Variants in MUC5B observed in about 807,000 individuals in gnomAD.
MUC5B encodes mucin-5B.
A neutral mutation model predicts 376.9 loss-of-function variants in MUC5B; 116 were observed. The ratio of observed to expected loss-of-function variants is 0.31; its 90% CI spans 0.26 to 0.36. The LOEUF is 0.36. MUC5B is among the 10% of genes least tolerant of loss of function. The pLI, the probability that MUC5B is intolerant of heterozygous loss-of-function variation, is 1.00. For missense variants in MUC5B, 7,165 were observed against 7,769.9 expected (o/e 0.92, Z 2.93); for synonymous variants, 3,517 against 3,390.9 (o/e 1.04, Z -1.29).
chr11:1,252,901 C>T lies in MUC5B; in HGVS notation c.15138C>T (p.Asn5046=), dbSNP rs754101374. ...TGCTGGACCCAAAGCCTGTGGCCAA[C>T]GTCACCTGCGTGAACAAGCACCTGC... ...VVLLDPKPVA[N]VTCVNKHLPI... is the part of the protein sequence containing the mutation. Residue 5046 remains asparagine, a synonymous_variant, in exon 33 of 49, where the codon AAC becomes AAT. Coordinates refer to ENST00000529681, the MANE Select transcript of MUC5B (RefSeq NM_002458.3). 8 of 1,612,532 alleles carry T rather than the reference C, an allele frequency of 5.0e-6. No individual in the cohort carries two copies. The highest frequency in any genetic ancestry group is 1.7e-5 in the Admixed American group (1 of 59,994).
rs199636000 is a variant in MUC5B at position 1,254,262 on chromosome 11, G to A, written c.15388G>A (p.Ala5130Thr). The A allele has an allele frequency of 1.1e-3, 1,829 of 1,612,098 alleles. 9 individuals carry two copies. The highest frequency in any genetic ancestry group is 1.4e-3 in the Non-Finnish European group (1,615 of 1,179,852). ...YCTASATAAA[A>T]RCPRALSIHY... The stretch of plus-strand genomic sequence containing the variant: ...CACGGCCTCTGCCACTGCCGCTGCC[G>A]CCCGCTGCCCCCGCGCCCTCAGCAT... The change falls in exon 34 of 49, where the codon GCC (alanine) becomes ACC (threonine). Residue 5130 changes from alanine to threonine, a missense_variant. This residue lies in a region of MUC5B where 842 missense variants were observed against 1,016.9 expected (regional missense o/e 0.83). Transcript: ENST00000529681.
At position 1,246,132 on chromosome 11, in the gene MUC5B, C is replaced by T. The variant is rs755504825; in HGVS notation, c.9252C>T (p.Thr3084=). 14 of 1,613,022 alleles carry T rather than the reference C, an allele frequency of 8.7e-6. No individual in the cohort carries two copies. The East Asian group carries it at 2.5e-4, about 28-fold the overall frequency. Residue 3084 remains threonine (T), a synonymous_variant, in exon 31 of 49, where the codon ACC becomes ACT. Transcript: ENST00000529681. ...LGTTGTLPEQ[T]TTPMATMSTI... is the part of the protein sequence containing the mutation. Reference sequence around the variant, plus strand: ...CCACCGGGACCCTCCCAGAACAGACCACCACACCCATGGCCACCATGTCCA... The same window carrying T: ...CCACCGGGACCCTCCCAGAACAGACTACCACACCCATGGCCACCATGTCCA...
intron 37 of MUC5B, 43 bp from the exon 38 acceptor site, chr11:1,256,113 C>T (rs781083218): frequency 5.6e-6 from 4 of 711,898 alleles, no homozygotes; most frequent in South Asian, 3.0e-5. Context: ...GCCCTGGGCC[C>T]CCCCAACCCC....
Position 1,258,490 on chromosome 11 carries a change from G to C in MUC5B, c.16593+123G>C. 5.0e-6 allele frequency: 6 copies of C among 1,193,198 alleles called. No individual in the cohort carries two copies. The highest frequency in any genetic ancestry group is 7.0e-6 in the Non-Finnish European group (6 of 853,294). 73.9% of individuals were successfully genotyped at this position (1,193,198 alleles called of 1,614,324 possible). A position where few individuals can be genotyped will look rare whatever the true frequency, so the allele number is the denominator to read the frequency against. On this transcript the variant is annotated intron_variant, in intron 43 of 48. Transcript: ENST00000529681. This position sits in a 1 kb window ranked among gnomAD's most constrained non-coding sequence, Gnocchi z 5.5. ...CTGCCCTGAGGGCCGATCCGCACAG[G>C]GGCCCTGGACACGTCAGAGCTGGGA...
chr11:1,257,653 T>C lies in MUC5B; in HGVS notation c.16393T>C (p.Phe5465Leu), dbSNP rs1564953420. The C allele has an allele frequency of 1.3e-6, 2 of 1,591,722 alleles. No homozygotes were observed. The highest frequency in any genetic ancestry group is 1.7e-5 in the Admixed American group (1 of 58,480). The stretch of plus-strand genomic sequence containing the variant: ...GCCCCCGCCGTGCAACCGTCCCGGC[T>C]TCGTAACCGTGACCAGGCCCCGGGC... Reference protein sequence around the residue: ...GQPPPCNRPGFVTVTRPRAEN... With the variant: ...GQPPPCNRPGLVTVTRPRAEN... The change falls in exon 41 of 49, where the codon TTC becomes CTC. Residue 5465 changes from phenylalanine to leucine, a missense_variant. By Grantham distance (22) the Phe-to-Leu change is conservative. Coordinates refer to ENST00000529681, the MANE Select transcript of MUC5B (RefSeq NM_002458.3). This position sits in a 1 kb window ranked among gnomAD's most constrained non-coding sequence, Gnocchi z 8.9.
At chr11:1,223,886 A>T (rs1039970793) in intron 1 of MUC5B, among the ~76,000 whole-genome samples, 1 of 152,190 alleles carries the variant, frequency 6.6e-6, no homozygotes, top group African/African-American at 2.4e-5. Flanking sequence ...CGGGCTGGCC[A>T]TGAGGCTGCT....
intron 9 of MUC5B, 80 bp from the exon 10 acceptor site, chr11:1,229,610 G>A: frequency 7.9e-7 from 1 of 1,265,160 alleles, no homozygotes; most frequent in Non-Finnish European, 1.1e-6. Flanking sequence ...AAGGGAGGCA[G>A]CTTGTCCCCA....
At chr11:1,256,596 C>A (rs1862843339) in intron 38 of MUC5B, 75 bp from the exon 39 acceptor site, 1 of 1,107,318 alleles carries the variant, frequency 9.0e-7, no homozygotes, top group South Asian at 1.5e-5. Flanking sequence ...CACTGCCCAT[C>A]CTGGGGACTC....
At position 1,242,645 on chromosome 11, in the gene MUC5B, C is replaced by T. The variant is rs2133825637; in HGVS notation, c.5765C>T (p.Ser1922Phe). 1 of 1,613,742 alleles carries T rather than the reference C, an allele frequency of 6.2e-7. No individual in the cohort carries two copies. Among genetic ancestry groups the T allele is most frequent in the East Asian group, 2.2e-5 (1 of 44,876 alleles). The change falls in exon 31 of 49, where the codon TCC becomes TTC. Residue 1922 changes from serine (S) to phenylalanine (F), a missense_variant. Ser to Phe is a radical substitution (Grantham distance 155). Transcript: ENST00000529681. Reference protein sequence around the residue: ...TTATTTASTGSTATPTSTLRT... With the variant: ...TTATTTASTGFTATPTSTLRT... ...GCCACTACGACTGCGTCCACTGGAT[C>T]CACGGCCACCCCGACCTCCACCCTG...
At chr11:1,231,951 TG>T (rs1342395525) in intron 14 of MUC5B, 44 bp from the exon 15 acceptor site, 1 of 1,610,056 alleles carries the variant, frequency 6.2e-7, no homozygotes, top group Admixed American at 1.7e-5. Flanking sequence ...AGGAGCCAGG[TG>T]GGCCCAACAG....
At position 1,261,857 on chromosome 11, in the gene MUC5B, G is replaced by GC. The variant is rs1564955806; in HGVS notation, c.*253dup. On this transcript the variant is annotated 3_prime_UTR_variant, in exon 49 of 49. Coordinates refer to ENST00000529681, the MANE Select transcript of MUC5B (RefSeq NM_002458.3). ...AGAGCCTGTGGCCCACCTTGGCCTT[G>GC]CCCCTCCCTGATGTCACTGGGACGC... 1 of 688,530 alleles carries GC rather than the reference G, an allele frequency of 1.5e-6. No homozygotes were observed. Among genetic ancestry groups the GC allele is most frequent in the Admixed American group, 2.0e-5 (1 of 49,450 alleles). The allele number at this position is 688,530 out of a possible 1,614,324, so 42.7% of individuals were successfully genotyped here. A position where few individuals can be genotyped will look rare whatever the true frequency, so the allele number is the denominator to read the frequency against.
At chr11:1,237,308 C>T (rs1451949681) in intron 25 of MUC5B, 144 bp downstream of exon 25, 12 of 1,111,446 alleles carry the variant, frequency 1.1e-5, no homozygotes, top group Non-Finnish European at 1.1e-5. Context: ...GATGTCAGGT[C>T]CCAAGTCCGG....
chr11:1,236,340 T>C, intron 23 of MUC5B, 46 bp from the exon 24 acceptor site: 2 of 1,565,538 alleles, frequency 1.3e-6, no homozygotes, highest in East Asian at 2.3e-5. Flanking sequence ...GGCCCCTCCC[T>C]GGGGGCCACA....
rs1861902793 is a variant in MUC5B at position 1,227,025 on chromosome 11, G to A, written c.462-6G>A. ...GGCCCAGGGAGAGACCCCGCTGTCT[G>A]CGCAGGGAGGAGCTGCCTTACAGCC... is the stretch of plus-strand genomic sequence containing the variant. On this transcript the variant is annotated splice_polypyrimidine_tract_variant and splice_region_variant and intron_variant, in intron 4 of 48. Coordinates refer to ENST00000529681, the MANE Select transcript of MUC5B (RefSeq NM_002458.3). The A allele has an allele frequency of 2.5e-6, 4 of 1,605,818 alleles. No homozygotes were observed. Among genetic ancestry groups the A allele is most frequent in the Non-Finnish European group, 3.4e-6 (4 of 1,176,056 alleles).
In MUC5B at chr11:1,227,041, C is replaced by A; in HGVS notation, c.472C>A (p.Pro158Thr). ...VLINGQREEL[P>T]YSRTGLLVEQ... ...CCGCTGTCTGCGCAGGGAGGAGCTG[C>A]CTTACAGCCGCACTGGCCTCCTGGT... The change falls in exon 5 of 49, where the codon CCT becomes ACT. Residue 158 changes from proline (P) to threonine (T), a missense_variant. Transcript: ENST00000529681. 1 of 1,610,628 alleles carries A rather than the reference C, an allele frequency of 6.2e-7. No homozygotes were observed. The highest frequency in any genetic ancestry group is 8.5e-7 in the Non-Finnish European group (1 of 1,178,734).
chr11:1,227,650 C>T lies in MUC5B; in HGVS notation c.668-25C>T, dbSNP rs747988361. The T allele has an allele frequency of 5.6e-6, 4 of 716,392 alleles. No homozygotes were observed. In the African/African-American group the frequency reaches 7.0e-5, roughly 13 times the overall value. The allele number at this position is 716,392 out of a possible 1,614,324, so 44.4% of individuals were successfully genotyped here. On this transcript the variant is annotated intron_variant, in intron 6 of 48. Transcript: ENST00000529681. ...GTCCCCAGGAGCCCCTCAGAGCCACCACACCCCTGCTTTCTTCCCGGCAGA... is the reference window on the plus strand; with the variant it reads ...GTCCCCAGGAGCCCCTCAGAGCCACTACACCCCTGCTTTCTTCCCGGCAGA...
At chr11:1,226,966 G>T (rs949255999) in intron 4 of MUC5B, 65 bp from the exon 5 acceptor site, 41 of 1,569,560 alleles carry the variant, frequency 2.6e-5, no homozygotes, top group Non-Finnish European at 3.5e-5. Flanking sequence ...CAGGGCTGGG[G>T]GGGGGTTGGG....
Position 1,261,921 on chromosome 11 carries a change from T to G in MUC5B, c.*313T>G. The G allele has an allele frequency of 1.7e-6, 1 of 595,758 alleles. No homozygotes were observed. Among genetic ancestry groups the G allele is most frequent in the East Asian group, 3.6e-5 (1 of 27,962 alleles). The allele number at this position is 595,758 out of a possible 1,614,324, so 36.9% of individuals were successfully genotyped here. A position where few individuals can be genotyped will look rare whatever the true frequency, so the allele number is the denominator to read the frequency against. On this transcript the variant is annotated 3_prime_UTR_variant, in exon 49 of 49. Coordinates refer to ENST00000529681, the MANE Select transcript of MUC5B (RefSeq NM_002458.3). Reference sequence around the variant, plus strand: ...AAGCATGTGCGGGCCTATGTGTCCCTGCCACGGCCGGAGCGCCCGCGCAGC... The same window carrying G: ...AAGCATGTGCGGGCCTATGTGTCCCGGCCACGGCCGGAGCGCCCGCGCAGC...
At chr11:1,228,231 T>TGGACTGCCCTGAACCTGCC (rs1861933341) in intron 7 of MUC5B, among the ~76,000 whole-genome samples, 1 of 152,190 alleles carries the variant, frequency 6.6e-6, no homozygotes, top group African/African-American at 2.4e-5. Flanking sequence ...CACTCAGCAC[T>TGGACTGCCCTGAACCTGCC]GGACTGCCCT....
Sources: allele counts gnomAD v4.1 joint callset (sites outside exome capture counted in the v4.1 genomes callset), GRCh38; gene constraint gnomAD v4.1.1; regional missense constraint gnomAD v4.1.1; non-coding constraint Gnocchi (gnomAD v3.1); transcripts MANE v1.5; gene names NCBI Gene and HGNC (gene_info 2026-07-23, HGNC 2026-07-21).